GBP1: variants seen among roughly 807,000 people sequenced by gnomAD.
GBP1 encodes guanylate binding protein 1.
In GBP1, 64 loss-of-function variants were observed where a neutral mutation model predicts 69.5. The observed-to-expected ratio is 0.92, with a 90% CI of 0.75 to 1.13. GBP1 has a LOEUF of 1.13. GBP1 is among the 50% of genes most tolerant of loss of function. The probability of loss-of-function intolerance (pLI) is 0.00; values close to 1 mark genes in which losing one functional copy is unlikely to be tolerated. For synonymous variants in GBP1, 250 were observed against 261.2 expected, an observed-to-expected ratio of 0.96 and a Z score of 0.41; for missense variants, 630 against 704.1, an observed-to-expected ratio of 0.89 and a Z score of 1.19.
Position 89,059,432 on chromosome 1 carries a change from A to T in GBP1, c.319-6T>A. 13 of 1,614,000 alleles carry T rather than the reference A, an allele frequency of 8.1e-6. No homozygotes were observed. The highest frequency in any genetic ancestry group is 1.1e-5 in the Non-Finnish European group (13 of 1,179,910). On this transcript the variant is annotated splice_region_variant and splice_polypyrimidine_tract_variant and intron_variant, in intron 3 of 10. Coordinates refer to ENST00000370473, the MANE Select transcript of GBP1 (RefSeq NM_002053.3). The stretch of plus-strand genomic sequence containing the variant: ...GAGTCATTCTGGTTGTCACCCTGGA[A>T]GTCAAGACACACTGGAGTCAGGAGC...
chr1:89,057,999 G>T lies in GBP1; in HGVS notation c.867C>A (p.Asn289Lys). 1 of 1,611,604 alleles carries T rather than the reference G, an allele frequency of 6.2e-7. No homozygotes were observed. Among genetic ancestry groups the T allele is most frequent in the South Asian group, 1.1e-5 (1 of 90,978 alleles). The change falls in exon 6 of 11, where the codon AAC becomes AAA. Residue 289 changes from asparagine to lysine, a missense_variant. Asn to Lys is a moderately conservative substitution (Grantham distance 94, BLOSUM62 0). Around this residue, in one of 5 missense-constraint regions of GBP1, gnomAD observed 367 missense variants for 369.5 expected, o/e 0.99. Coordinates refer to ENST00000370473, the MANE Select transcript of GBP1 (RefSeq NM_002053.3). ...TKTLSGGIQV[N>K]GPRLESLVLT... ...ACTAGGAAGGGGACTTACGAGGCCC[G>T]TTGACCTGGATGCCTCCTGAAAGAG...
At chr1:89,055,060 A>C in intron 9 of GBP1, 53 bp downstream of exon 9, 8 of 1,550,260 alleles carry the variant, frequency 5.2e-6, no homozygotes, top group Non-Finnish European at 6.1e-6. Context: ...CAGTCAAGTT[A>C]TTTCAATTTT....
chr1:89,061,556 A>C (rs1257366868), intron 2 of GBP1, among the ~76,000 whole-genome samples: 1 of 152,202 alleles, frequency 6.6e-6, no homozygotes, highest in Non-Finnish European at 1.5e-5. Context: ...TAAAAGTTGT[A>C]GAAGAAAATA....
Position 89,053,292 on chromosome 1 carries a change from G to C in GBP1, c.*63C>G. The stretch of plus-strand genomic sequence containing the variant: ...ATTATTATCAAATGTAGTGACGCTT[G>C]TTCCAAATTCTAAAATTGTTTCAAT... On this transcript the variant is annotated 3_prime_UTR_variant, in exon 11 of 11. Transcript: ENST00000370473. 7 of 1,303,248 alleles carry C rather than the reference G, an allele frequency of 5.4e-6. No homozygotes were observed. The highest frequency in any genetic ancestry group is 7.5e-6 in the Non-Finnish European group (7 of 927,952). The allele number at this position is 1,303,248 out of a possible 1,614,324, so 80.7% of individuals were successfully genotyped here. A position where few individuals can be genotyped will look rare whatever the true frequency, so the allele number is the denominator to read the frequency against.
chr1:89,056,573 C>T (rs1680051818), intron 7 of GBP1, among the ~76,000 whole-genome samples: 1 of 152,198 alleles, frequency 6.6e-6, no homozygotes, highest in Admixed American at 6.5e-5. Flanking sequence ...GCTAGAATAT[C>T]AAATCAGTCT....
chr1:89,055,928 C>T (rs1680030958), intron 8 of GBP1, 88 bp downstream of exon 8: 1 of 1,482,362 alleles, frequency 6.7e-7, no homozygotes, highest in African/African-American at 1.4e-5. Context: ...CAAAAAAGCA[C>T]ATCTGTATGC....
At chr1:89,055,276 T>C (rs1474244601) in intron 8 of GBP1, 61 bp from the exon 9 acceptor site, 1 of 1,603,682 alleles carries the variant, frequency 6.2e-7, no homozygotes, top group Non-Finnish European at 8.5e-7. Flanking sequence ...GTGTTCCTGT[T>C]TGTCTTCCTG....
intron 2 of GBP1, among the ~76,000 whole-genome samples, chr1:89,061,778 T>C (rs904247306): frequency 1.1e-4 from 16 of 151,982 alleles, no homozygotes; most frequent in African/African-American, 3.4e-4. Context: ...GGGATTGATA[T>C]CTAGAAAATA....
rs572196556 is a variant in GBP1 at position 89,059,180 on chromosome 1, A to G, written c.428+137T>C. ...GTCAGTTCTAAAGTGGATACATGGG[A>G]TCTCTCCTCTGTACTTGCATTATTT... On this transcript the variant is annotated intron_variant, in intron 4 of 10. Coordinates refer to ENST00000370473, the MANE Select transcript of GBP1 (RefSeq NM_002053.3). The G allele has an allele frequency of 2.1e-4, 333 of 1,584,198 alleles. No homozygotes were observed. The African/African-American group carries it at 4.0e-3, about 19-fold the overall frequency.
Position 89,063,298 on chromosome 1 carries a change from C to G in GBP1, c.-19-45G>C, listed in dbSNP as rs533229668. 5.9e-5 allele frequency: 91 copies of G among 1,551,444 alleles called. No individual in the cohort carries two copies. The African/African-American group carries it at 1.2e-3, about 20-fold the overall frequency. ...ATACATGAGAATTTCTAGTGTTTTG[C>G]AATTATAAGGGAGAATCATAAGATT... is the stretch of plus-strand genomic sequence containing the variant. On this transcript the variant is annotated intron_variant, in intron 1 of 10. Transcript: ENST00000370473.
chr1:89,058,963 T>C lies in GBP1; in HGVS notation c.509A>G (p.Asp170Gly). 1 of 1,614,172 alleles carries C rather than the reference T, an allele frequency of 6.2e-7. No individual in the cohort carries two copies. The highest frequency in any genetic ancestry group is 8.5e-7 in the Non-Finnish European group (1 of 1,180,028). ...ENENEVEDSA[D>G]FVSFFPDFVW... ...AAAGTCTGGGAAGAAGCTCACAAAGTCAGCTGAATCCTCAACCTCATTCTC... is the reference window on the plus strand; with the variant it reads ...AAAGTCTGGGAAGAAGCTCACAAAGCCAGCTGAATCCTCAACCTCATTCTC... The change falls in exon 5 of 11, where the codon GAC (aspartate) becomes GGC (glycine). Residue 170 changes from aspartate to glycine, a missense_variant. Physicochemically the swap from Asp to Gly is moderately conservative, Grantham distance 94. Around this residue, in one of 5 missense-constraint regions of GBP1, gnomAD observed 367 missense variants for 369.5 expected, o/e 0.99. Coordinates refer to ENST00000370473, the MANE Select transcript of GBP1 (RefSeq NM_002053.3).
chr1:89,056,487 T>C (rs932905855), intron 7 of GBP1, among the ~76,000 whole-genome samples: 7 of 152,234 alleles, frequency 4.6e-5, no homozygotes, highest in African/African-American at 9.6e-5. Flanking sequence ...ATTGGACTAA[T>C]GATTTCATAT....
At chr1:89,054,466 A>C (rs185458682) in intron 10 of GBP1, among the ~76,000 whole-genome samples, 2 of 152,340 alleles carry the variant, frequency 1.3e-5, no homozygotes, top group African/African-American at 4.8e-5. Context: ...TATATTGATA[A>C]AGGACTGAAT....
Position 89,060,214 on chromosome 1 carries a change from G to C in GBP1, c.301C>G (p.Leu101Val). 1 of 1,601,202 alleles carries C rather than the reference G, an allele frequency of 6.2e-7. No homozygotes were observed. The highest frequency in any genetic ancestry group is 1.1e-5 in the South Asian group (1 of 88,756). Residue 101 changes from leucine to valine, a missense_variant, in exon 3 of 11, where the codon CTG becomes GTG. This residue lies in a region of GBP1 where 131 missense variants were observed against 138.5 expected (regional missense o/e 0.95). Transcript: ENST00000370473. ...HILVLLDTEG[L>V]GDVEKGDNQN... ...AGTCTCACCTTCTCTACATCTCCCA[G>C]ACCCTCGGTGTCCAGCAGAACTAGG...
chr1:89,059,588 A>G (rs568414200), intron 3 of GBP1, among the ~76,000 whole-genome samples, 162 bp from the exon 4 acceptor site: 1 of 150,574 alleles, frequency 6.6e-6, no homozygotes, highest in Non-Finnish European at 1.5e-5. Flanking sequence ...AGACAAATAC[A>G]AAAATTATTC....
chr1:89,063,961 T>G (rs944032874), intron 1 of GBP1, among the ~76,000 whole-genome samples: 6 of 152,192 alleles, frequency 3.9e-5, no homozygotes, highest in African/African-American at 1.4e-4. Flanking sequence ...AGCTTCTAAG[T>G]CACTGAGGGT....
Position 89,063,690 on chromosome 1 carries a change from C to T in GBP1, c.-19-437G>A, listed in dbSNP as rs555013885. On this transcript the variant is annotated intron_variant, in intron 1 of 10. Coordinates refer to ENST00000370473, the MANE Select transcript of GBP1 (RefSeq NM_002053.3). ...CAGTATTCATAGTTTGATGTTTACC[C>T]TTAGAAAAATTTCCAAAGATTTTTA... Among the ~76,000 whole-genome samples, 3 of 152,306 alleles carry T rather than the reference C, an allele frequency of 2.0e-5. No individual in the cohort carries two copies. In the East Asian group the frequency reaches 5.8e-4, roughly 29 times the overall value.
At chr1:89,061,501 T>C (rs954580639) in intron 2 of GBP1, among the ~76,000 whole-genome samples, 7 of 152,078 alleles carry the variant, frequency 4.6e-5, no homozygotes, top group African/African-American at 1.4e-4. Context: ...CTTACAAATA[T>C]GAACTCAAAA....
intron 8 of GBP1, 134 bp from the exon 9 acceptor site, chr1:89,055,349 T>G: frequency 6.9e-7 from 1 of 1,450,624 alleles, no homozygotes; most frequent in Non-Finnish European, 9.2e-7. Context: ...TCAAATTCCC[T>G]GTCGGAGCGA....
Sources: gnomAD v4.1 joint callset for allele counts (sites outside exome capture counted in the v4.1 genomes callset) on GRCh38, gnomAD v4.1.1 for gene constraint, gnomAD v4.1.1 regional missense constraint, MANE v1.5 for transcripts, NCBI Gene and HGNC (gene_info 2026-07-23, HGNC 2026-07-21) for gene names.